ZPBP: variants seen among roughly 807,000 people sequenced by gnomAD.
ZPBP encodes zona pellucida-binding protein 1.
ZPBP carries 26 observed loss-of-function variants against 44.8 expected under a neutral mutation model. The ratio of observed to expected loss-of-function variants is 0.58; its 90% CI spans 0.43 to 0.81. The LOEUF is 0.81. ZPBP is among the 30% of genes least tolerant of loss of function. The pLI is 0.00. For missense variants in ZPBP, 409 were observed against 434.0 expected, an observed-to-expected ratio of 0.94 and a Z score of 0.51; for synonymous variants, 174 against 153.2, an observed-to-expected ratio of 1.14 and a Z score of -1.00.
intron 2 of ZPBP, among the ~76,000 whole-genome samples, chr7:49,870,423 G>A (rs897941028): frequency 2.6e-5 from 4 of 151,932 alleles, no homozygotes; most frequent in Admixed American, 1.3e-4. Context: ...AATAAAAATT[G>A]TCTATATTAT....
intron 2 of ZPBP, among the ~76,000 whole-genome samples, chr7:49,884,025 A>C (rs1209835030): frequency 6.6e-6 from 1 of 152,176 alleles, no homozygotes; most frequent in Non-Finnish European, 1.5e-5. Context: ...GGGCCAGCCA[A>C]GGTAGGAGGC....
intron 1 of ZPBP, among the ~76,000 whole-genome samples, chr7:49,903,556 G>A (rs1276847164): frequency 2.6e-5 from 4 of 152,170 alleles, no homozygotes; most frequent in Non-Finnish European, 5.9e-5. Context: ...TAGATATGGA[G>A]AATATTATCA....
chr7:49,851,518 G>T (rs1790177333), intron 2 of ZPBP, among the ~76,000 whole-genome samples: 1 of 152,192 alleles, frequency 6.6e-6, no homozygotes, highest in African/African-American at 2.4e-5. Flanking sequence ...CCACATCACA[G>T]TGTGTGAGTG....
At chr7:50,022,434 G>T (rs866543456) in intron 5 of ZPBP, among the ~76,000 whole-genome samples, 8 of 151,840 alleles carry the variant, frequency 5.3e-5, no homozygotes, top group Admixed American at 6.6e-5. Flanking sequence ...TTATAACTAA[G>T]CTGGAATCAA....
At chr7:49,943,139 CT>C in intron 7 of ZPBP, 1 of 326,038 alleles carries the variant, frequency 3.1e-6, no homozygotes. Flanking sequence ...TTACTCCACC[CT>C]TTAGTAACTT....
At chr7:49,926,123 CT>C (rs1414977137) in intron 1 of ZPBP, among the ~76,000 whole-genome samples, 1 of 152,196 alleles carries the variant, frequency 6.6e-6, no homozygotes, top group East Asian at 1.9e-4. Context: ...ATTACTATCT[CT>C]ACCTTTCCTC....
At position 49,983,471 on chromosome 7, in the gene ZPBP, C is replaced by T. The variant is rs144764759; in HGVS notation, c.832G>A (p.Gly278Ser). The T allele has an allele frequency of 1.2e-4, 192 of 1,609,944 alleles. No homozygotes were observed. The highest frequency in any genetic ancestry group is 1.5e-4 in the Non-Finnish European group (182 of 1,177,704). ...RFFNQQVEIL[G>S]RRAEQLPQIY... ...TGAGGTAATTGTTCTGCACGTCTGC[C>T]AAGAATTTCTACTTGTTGATTAAAA... Residue 278 changes from glycine (G) to serine (S), a missense_variant, in exon 7 of 8, where the codon GGC becomes AGC. This residue lies in a region of ZPBP where 367 missense variants were observed against 363.1 expected (regional missense o/e 1.01). Coordinates refer to ENST00000046087, the MANE Select transcript of ZPBP (RefSeq NM_007009.3).
chr7:49,931,288 C>T (rs935356736), intron 1 of ZPBP, among the ~76,000 whole-genome samples: 6 of 152,196 alleles, frequency 3.9e-5, no homozygotes, highest in East Asian at 1.9e-4. Flanking sequence ...AACTAGGTAA[C>T]GGGCAGAGGT....
At chr7:49,916,541 C>T (rs1266627384) in intron 1 of ZPBP, 1 of 152,166 alleles carries the variant, frequency 6.6e-6, no homozygotes, top group African/African-American at 2.4e-5. Context: ...AGGAATCATA[C>T]CATAGTTTGC....
chr7:50,000,420 C>T (rs187788581), intron 6 of ZPBP, among the ~76,000 whole-genome samples: 10 of 151,970 alleles, frequency 6.6e-5, no homozygotes, highest in African/African-American at 1.9e-4. Flanking sequence ...TTTTGATGAC[C>T]GCACCAACTT....
chr7:49,881,485 C>G (rs1016228147), intron 2 of ZPBP, among the ~76,000 whole-genome samples: 1 of 152,146 alleles, frequency 6.6e-6, no homozygotes, highest in Non-Finnish European at 1.5e-5. Context: ...TACCCATGCA[C>G]AAAACGTCCT....
intron 7 of ZPBP, among the ~76,000 whole-genome samples, chr7:49,957,662 CTTG>C (rs1795669047): frequency 6.6e-6 from 1 of 152,190 alleles, no homozygotes; most frequent in African/African-American, 2.4e-5. Context: ...TTCAAAGAAA[CTTG>C]TTGTGAACAA....
intron 7 of ZPBP, among the ~76,000 whole-genome samples, chr7:49,962,491 A>G (rs1449319282): frequency 2.0e-5 from 3 of 151,868 alleles, no homozygotes; most frequent in Non-Finnish European, 4.4e-5. Flanking sequence ...TCCTTTGTCA[A>G]CCTGATTAAT....
At chr7:49,861,841 T>C (rs1790662645) in intron 2 of ZPBP, among the ~76,000 whole-genome samples, 1 of 152,226 alleles carries the variant, frequency 6.6e-6, no homozygotes, top group Admixed American at 6.5e-5. Flanking sequence ...TGAATTTTAT[T>C]CTATTGTTTA....
At chr7:50,072,595 T>C (rs1326679769) in intron 3 of ZPBP, among the ~76,000 whole-genome samples, 1 of 152,222 alleles carries the variant, frequency 6.6e-6, no homozygotes, top group Non-Finnish European at 1.5e-5. Flanking sequence ...AGGGATGCTA[T>C]TGTCACTCAA....
chr7:49,893,823 C>T lies in ZPBP; in HGVS notation n.509+7295G>A, dbSNP rs148636458. On this transcript the variant is annotated intron_variant and non_coding_transcript_variant, in intron 2 of 2. Coordinates refer to the ZPBP transcript ENST00000465922. ...TTACAATAAGTTACAGAAAAAGCAG[C>T]TGTTTCAAAAGAGGTTTGGGATGTA... 2.6e-3 allele frequency among the ~76,000 whole-genome samples: 393 copies of T among 152,222 alleles called. 3 individuals carry two copies. Among genetic ancestry groups the T allele is most frequent in the African/African-American group, 9.1e-3 (378 of 41,512 alleles).
At chr7:49,959,728 T>C (rs576947734) in intron 7 of ZPBP, among the ~76,000 whole-genome samples, 1 of 152,312 alleles carries the variant, frequency 6.6e-6, no homozygotes, top group South Asian at 2.1e-4. Context: ...TTGAACTCTT[T>C]GTAGAAATTG....
chr7:49,898,075 T>C (rs1033327953), intron 2 of ZPBP, among the ~76,000 whole-genome samples: 54 of 152,164 alleles, frequency 3.5e-4, no homozygotes, highest in Admixed American at 2.0e-4. Context: ...TAGCCCACTA[T>C]AGCCTTCCTG....
At chr7:49,848,851 T>C (rs1214186044), downstream of ZPBP, among the ~76,000 whole-genome samples, 1 of 152,212 alleles carries the variant, frequency 6.6e-6, no homozygotes, top group Non-Finnish European at 1.5e-5. Context: ...AATGATTACA[T>C]TGTGTCTAAT....
Sources: allele counts gnomAD v4.1 joint callset (sites outside exome capture counted in the v4.1 genomes callset), GRCh38; gene constraint gnomAD v4.1.1; regional missense constraint gnomAD v4.1.1; transcripts MANE v1.5; gene names NCBI Gene and HGNC (gene_info 2026-07-23, HGNC 2026-07-21).